The following SNX29 variants were observed in gnomAD, a reference collection of about 807,000 sequenced individuals.
SNX29 encodes sorting nexin-29.
A neutral mutation model predicts 102.1 loss-of-function variants in SNX29; 78 were observed. The observed-to-expected ratio is 0.76, with a 90% CI of 0.64 to 0.92. The LOEUF is 0.92. SNX29 is among the 40% of genes least tolerant of loss of function. SNX29 has a pLI of 0.00. For synonymous variants in SNX29, 580 were observed against 414.5 expected (o/e 1.40, Z -4.85); for missense variants, 1,280 against 1,061.7 (o/e 1.21, Z -2.86).
At chr16:12,558,343 G>GCC (rs144363625) in intron 20 of SNX29, among the ~76,000 whole-genome samples, 5 of 152,068 alleles carry the variant, frequency 3.3e-5, no homozygotes, top group African/African-American at 4.8e-5. Context: ...AGACAAAGAG[G>GCC]CCCCCTCAGC....
chr16:12,364,278 C>T lies in SNX29; in HGVS notation c.1899+7999C>T, dbSNP rs1310151897. ...CTGGTTTTGAACACCTGGCATCAAG[C>T]GATCCTCCTGCTTTGGCCTCCCAAA... is the stretch of plus-strand genomic sequence containing the variant. On this transcript the variant is annotated intron_variant, in intron 16 of 20. Transcript: ENST00000566228. 5.9e-5 allele frequency among the ~76,000 whole-genome samples: 9 copies of T among 152,110 alleles called. No individual in the cohort carries two copies. In the East Asian group the frequency reaches 7.7e-4, roughly 13 times the overall value.
chr16:12,486,148 C>T (rs569570043), intron 19 of SNX29, among the ~76,000 whole-genome samples: 3 of 152,214 alleles, frequency 2.0e-5, no homozygotes, highest in Admixed American at 2.0e-4. Context: ...TTTCTTGGCT[C>T]GTGGCCCCTT....
intron 14 of SNX29, among the ~76,000 whole-genome samples, chr16:12,252,865 C>G (rs896530328): frequency 6.6e-6 from 1 of 152,250 alleles, no homozygotes; most frequent in Non-Finnish European, 1.5e-5. Flanking sequence ...CTGGCTCTTC[C>G]AGCTGTCTAA....
At chr16:12,246,300 C>A (rs1019734808) in intron 14 of SNX29, among the ~76,000 whole-genome samples, 1 of 152,020 alleles carries the variant, frequency 6.6e-6, no homozygotes, top group African/African-American at 2.4e-5. Flanking sequence ...TGGGACTAGT[C>A]TCTGGATTAA....
At chr16:12,357,360 C>A (rs375880430) in intron 16 of SNX29, among the ~76,000 whole-genome samples, 1 of 152,136 alleles carries the variant, frequency 6.6e-6, no homozygotes, top group Admixed American at 6.5e-5. Flanking sequence ...ATACAATATC[C>A]TTATCACCCC....
chr16:12,048,891 G>A (rs906836961), intron 7 of SNX29, among the ~76,000 whole-genome samples: 3 of 152,188 alleles, frequency 2.0e-5, no homozygotes, highest in African/African-American at 7.2e-5. Context: ...GCCAGATGAC[G>A]TTGATCCTCA....
intron 18 of SNX29, among the ~76,000 whole-genome samples, chr16:12,449,996 C>T (rs967906123): frequency 1.3e-5 from 2 of 152,128 alleles, no homozygotes; most frequent in Non-Finnish European, 2.9e-5. Context: ...GGCGGTTCCC[C>T]CATACTGTTG....
At position 12,324,474 on chromosome 16, in the gene SNX29, A is replaced by G. The variant is rs115719633; in HGVS notation, c.1783-31689A>G. Among the ~76,000 whole-genome samples, 757 of 151,984 alleles carry G rather than the reference A, an allele frequency of 5.0e-3. 9 individuals are homozygous for G. Among genetic ancestry groups the G allele is most frequent in the African/African-American group, 0.017 (717 of 41,464 alleles). The stretch of plus-strand genomic sequence containing the variant: ...TTGTTTGTGGAGATGGAGTCAGGCC[A>G]TGTTGCCCAGGCTGTTCTCAAATTC... On this transcript the variant is annotated intron_variant, in intron 15 of 20. Coordinates refer to ENST00000566228, the MANE Select transcript of SNX29 (RefSeq NM_032167.5).
intron 14 of SNX29, among the ~76,000 whole-genome samples, chr16:12,248,404 T>C (rs2078323563): frequency 6.6e-6 from 1 of 151,740 alleles, no homozygotes. Flanking sequence ...TTTTTTTTTT[T>C]TTTCTTTTTT....
chr16:12,075,826 G>C (rs1019567835), intron 10 of SNX29, among the ~76,000 whole-genome samples: 1 of 152,226 alleles, frequency 6.6e-6, no homozygotes, highest in East Asian at 1.9e-4. Flanking sequence ...CACCCAGTTC[G>C]AGCTTCCTGG....
chr16:12,112,435 G>A (rs2053536255), intron 11 of SNX29, among the ~76,000 whole-genome samples: 1 of 151,994 alleles, frequency 6.6e-6, no homozygotes, highest in African/African-American at 2.4e-5. Flanking sequence ...GAGATCTGGG[G>A]CTGATTTAGT....
chr16:12,252,551 C>G (rs916741402), intron 14 of SNX29, among the ~76,000 whole-genome samples: 1 of 152,224 alleles, frequency 6.6e-6, no homozygotes, highest in Non-Finnish European at 1.5e-5. Flanking sequence ...ATCATCATCA[C>G]CCAATAATAA....
intron 14 of SNX29, among the ~76,000 whole-genome samples, chr16:12,209,150 G>A (rs181115985): frequency 6.6e-6 from 1 of 152,194 alleles, no homozygotes. Flanking sequence ...GGGCAAGCAG[G>A]TATTCCCTGT....
At chr16:12,154,692 C>G (rs949324504) in intron 13 of SNX29, among the ~76,000 whole-genome samples, 19 of 152,152 alleles carry the variant, frequency 1.2e-4, no homozygotes, top group African/African-American at 4.3e-4. Flanking sequence ...ACAAATAGAT[C>G]TCTCATGGTT....
chr16:12,292,589 A>G (rs1032437929), intron 15 of SNX29, among the ~76,000 whole-genome samples: 1 of 152,296 alleles, frequency 6.6e-6, no homozygotes, highest in South Asian at 2.1e-4. Flanking sequence ...GTGCTCTTCT[A>G]GTTGATTGTA....
intron 14 of SNX29, among the ~76,000 whole-genome samples, chr16:12,235,957 A>T (rs146070389): frequency 6.6e-6 from 1 of 152,190 alleles, no homozygotes; most frequent in Non-Finnish European, 1.5e-5. Context: ...GGAAAAGTAC[A>T]ATTTTCTGTT....
chr16:12,452,083 T>C (rs1597426888), intron 18 of SNX29, among the ~76,000 whole-genome samples: 1 of 152,252 alleles, frequency 6.6e-6, no homozygotes, highest in East Asian at 1.9e-4. Flanking sequence ...ATCTGTGGGA[T>C]AGGGTGCTGG....
At chr16:12,162,455 TG>T (rs1388498632) in intron 13 of SNX29, among the ~76,000 whole-genome samples, 1 of 152,224 alleles carries the variant, frequency 6.6e-6, no homozygotes, top group Non-Finnish European at 1.5e-5. Context: ...GCAGGCCATA[TG>T]GTCTCTGTCA....
At chr16:12,309,133 G>A (rs1425963025) in intron 15 of SNX29, among the ~76,000 whole-genome samples, 2 of 152,180 alleles carry the variant, frequency 1.3e-5, no homozygotes, top group Non-Finnish European at 2.9e-5. Flanking sequence ...CAACCCTGCT[G>A]TGATTTCTAT....
Sources: gnomAD v4.1 joint callset for allele counts (sites outside exome capture counted in the v4.1 genomes callset) on GRCh38, gnomAD v4.1.1 for gene constraint, MANE v1.5 for transcripts, NCBI Gene and HGNC (gene_info 2026-07-23, HGNC 2026-07-21) for gene names.